HYDIN: variants seen among roughly 807,000 people sequenced by gnomAD.
The protein encoded by HYDIN is axonemal central pair apparatus protein HYDIN.
HYDIN carries 132 observed loss-of-function variants against 403.9 expected under a neutral mutation model. That is an observed-to-expected ratio of 0.33 (90% CI 0.28 to 0.38). HYDIN has a LOEUF of 0.38. Among genes scored for constraint, HYDIN ranks in the 10% least tolerant of loss-of-function variants. The pLI, the probability that HYDIN is intolerant of heterozygous loss-of-function variation, is 1.00. For missense variants in HYDIN, 2,827 were observed against 5,009.5 expected, an observed-to-expected ratio of 0.56 and a Z score of 13.15; for synonymous variants, 1,202 against 1,891.7, an observed-to-expected ratio of 0.64 and a Z score of 9.46.
intron 76 of HYDIN, among the ~76,000 whole-genome samples, chr16:70,838,686 C>T (rs554031377): frequency 3.9e-5 from 6 of 152,184 alleles, no homozygotes; most frequent in Middle Eastern, 3.4e-3. Flanking sequence ...AGTTATGTGG[C>T]CCACTTGGGT....
At chr16:71,228,550 TG>T (rs2041141079) in intron 1 of HYDIN, among the ~76,000 whole-genome samples, 1 of 152,046 alleles carries the variant, frequency 6.6e-6, no homozygotes, top group South Asian at 2.1e-4. Flanking sequence ...AACAGACACA[TG>T]AAAAAATGCT....
chr16:71,141,208 G>A lies in HYDIN; in HGVS notation c.842-3856C>T, dbSNP rs1345873449. ...ACACTGGAATTTAGTATATTATAAAGGCAGTATCTCAAATCATTGGTATAA... is the reference window on the plus strand; with the variant it reads ...ACACTGGAATTTAGTATATTATAAAAGCAGTATCTCAAATCATTGGTATAA... On this transcript the variant is annotated intron_variant, in intron 7 of 85. Transcript: ENST00000393567. Among the ~76,000 whole-genome samples, 13 of 148,092 alleles carry A rather than the reference G, an allele frequency of 8.8e-5. No homozygotes were observed. In the East Asian group the frequency reaches 2.6e-3, roughly 29 times the overall value.
intron 30 of HYDIN, among the ~76,000 whole-genome samples, chr16:70,978,200 CAA>C (rs2078944166): frequency 6.6e-6 from 1 of 151,882 alleles, no homozygotes; most frequent in South Asian, 2.1e-4. Flanking sequence ...CCCCGTCATC[CAA>C]GCAAGACTTA....
At chr16:70,968,830 T>C (rs2078658787) in intron 36 of HYDIN, among the ~76,000 whole-genome samples, 2 of 152,152 alleles carry the variant, frequency 1.3e-5, no homozygotes, top group African/African-American at 2.4e-5. Flanking sequence ...TTCAAGGTAA[T>C]AGTGATATTA....
chr16:71,205,253 G>C (rs939338590), intron 1 of HYDIN, among the ~76,000 whole-genome samples: 1 of 152,180 alleles, frequency 6.6e-6, no homozygotes, highest in Non-Finnish European at 1.5e-5. Context: ...GATGCATCAG[G>C]GCAACAGGGG....
intron 18 of HYDIN, among the ~76,000 whole-genome samples, chr16:71,035,847 C>T (rs192707071): frequency 6.6e-6 from 1 of 152,020 alleles, no homozygotes; most frequent in East Asian, 1.9e-4. Context: ...TATTGACATC[C>T]AGCTGGCCAG....
chr16:71,205,553 C>T (rs1266643379), intron 1 of HYDIN, among the ~76,000 whole-genome samples: 2 of 152,252 alleles, frequency 1.3e-5, no homozygotes, highest in African/African-American at 4.8e-5. Flanking sequence ...CAGACCAGCA[C>T]CAGTGCCACA....
intron 10 of HYDIN, chr16:71,114,134 T>G (rs2083929411): frequency 6.6e-6 from 1 of 151,876 alleles, no homozygotes. Flanking sequence ...AAAGTTAGTT[T>G]TCTCCCCTTC....
rs111508242 is a variant in HYDIN at position 71,215,456 on chromosome 16, T to C, written c.-24+15106A>G. On this transcript the variant is annotated intron_variant, in intron 1 of 85. Coordinates refer to ENST00000393567, the MANE Select transcript of HYDIN (RefSeq NM_001270974.2). ...AAAATCATCACACTGCCACTCCTAC[T>C]GAAAGGATGTAAGCTCTTATGCTAA... 1.4e-4 allele frequency among the ~76,000 whole-genome samples: 22 copies of C among 152,302 alleles called. 1 individual carries two copies. The highest frequency in any genetic ancestry group is 2.6e-4 in the African/African-American group (11 of 41,562).
rs1464510582 is a variant in HYDIN, at chr16:70,970,750, T to G, written c.5389A>C (p.Ser1797Arg). ...KFMPKEEKFY[S>R]QTLVFQIAQS... is the part of the protein sequence containing the mutation. Reference sequence around the variant, plus strand: ...GCAATCTGAAACACCAGGGTTTGGCTGTAGAATTTCTGGAAAACATAAAAA... The same window carrying G: ...GCAATCTGAAACACCAGGGTTTGGCGGTAGAATTTCTGGAAAACATAAAAA... Residue 1797 changes from serine to arginine, a missense_variant, in exon 36 of 86, where the codon AGC (serine) becomes CGC (arginine). Ser to Arg is a moderately radical substitution (Grantham distance 110). Coordinates refer to ENST00000393567, the MANE Select transcript of HYDIN (RefSeq NM_001270974.2). The G allele has an allele frequency of 6.3e-7, 1 of 1,580,468 alleles. No individual in the cohort carries two copies. Among genetic ancestry groups the G allele is most frequent in the Non-Finnish European group, 8.6e-7 (1 of 1,162,234 alleles).
chr16:70,871,968 G>T, intron 65 of HYDIN, 69 bp downstream of exon 65: 1 of 1,446,856 alleles, frequency 6.9e-7, no homozygotes, highest in Admixed American at 2.2e-5. Flanking sequence ...ACGGGAAAGG[G>T]CTGACAATCA....
intron 5 of HYDIN, among the ~76,000 whole-genome samples, chr16:71,169,787 G>C (rs562978874): frequency 6.6e-6 from 1 of 152,040 alleles, no homozygotes; most frequent in East Asian, 1.9e-4. Flanking sequence ...AAATTGCTAA[G>C]AAAGCAGATT....
intron 3 of HYDIN, among the ~76,000 whole-genome samples, chr16:71,184,258 G>A (rs1167258754): frequency 2.0e-5 from 3 of 152,062 alleles, no homozygotes; most frequent in East Asian, 1.9e-4. Flanking sequence ...CCAACTATTG[G>A]AGGTTCATAC....
At chr16:71,100,371 T>C (rs1211885560) in intron 10 of HYDIN, among the ~76,000 whole-genome samples, 2 of 152,174 alleles carry the variant, frequency 1.3e-5, no homozygotes, top group African/African-American at 2.4e-5. Flanking sequence ...CGCCAGCAGG[T>C]AGAATTTGGT....
At chr16:71,071,305 C>T (rs1243103588) in intron 13 of HYDIN, among the ~76,000 whole-genome samples, 1 of 150,804 alleles carries the variant, frequency 6.6e-6, no homozygotes, top group Non-Finnish European at 1.5e-5. Context: ...TCCCATATTG[C>T]TTGTCAAGAA....
intron 9 of HYDIN, among the ~76,000 whole-genome samples, chr16:71,127,683 G>C (rs990037013): frequency 6.6e-6 from 1 of 152,202 alleles, no homozygotes; most frequent in Non-Finnish European, 1.5e-5. Flanking sequence ...CCCAGGGGTA[G>C]CAGTCATCAG....
chr16:70,967,837 T>C (rs946350125), intron 36 of HYDIN, among the ~76,000 whole-genome samples: 1 of 152,122 alleles, frequency 6.6e-6, no homozygotes, highest in Non-Finnish European at 1.5e-5. Flanking sequence ...CCTCCTGCCT[T>C]GGCCTCCCAA....
At chr16:70,952,947 CCT>C (rs2078118817) in intron 40 of HYDIN, among the ~76,000 whole-genome samples, 1 of 151,972 alleles carries the variant, frequency 6.6e-6, no homozygotes, top group Non-Finnish European at 1.5e-5. Context: ...TCACCGCACA[CCT>C]CTGTTTGGAC....
intron 60 of HYDIN, among the ~76,000 whole-genome samples, chr16:70,882,288 A>G (rs201859868): frequency 0.018 from 2,627 of 148,964 alleles, no homozygotes; most frequent in African/African-American, 0.064. Context: ...CCTTATCCTC[A>G]GAATCTGATG....
Sources: allele counts gnomAD v4.1 joint callset (sites outside exome capture counted in the v4.1 genomes callset), GRCh38; gene constraint gnomAD v4.1.1; transcripts MANE v1.5; gene names NCBI Gene and HGNC (gene_info 2026-07-23, HGNC 2026-07-21).